FGF10: variants seen among roughly 807,000 people sequenced by gnomAD.
The protein encoded by FGF10 is FGF-10.
Under a neutral mutation model 19.8 loss-of-function variants are expected in FGF10, and 2 were observed. The observed-to-expected ratio is 0.10, with a 90% confidence interval of 0.04 to 0.32. The LOEUF (loss-of-function observed/expected upper bound fraction) is 0.32. FGF10 is among the 10% of genes least tolerant of loss of function. The probability of loss-of-function intolerance (pLI) is 1.00; values close to 1 mark genes in which losing one functional copy is unlikely to be tolerated. For synonymous variants in FGF10, 112 were observed against 94.0 expected, an observed-to-expected ratio of 1.19 and a Z score of -1.10; for missense variants, 191 against 246.3, an observed-to-expected ratio of 0.78 and a Z score of 1.50.
At chr5:44,381,179 G>C (rs1034608832) in intron 1 of FGF10, among the ~76,000 whole-genome samples, 3 of 152,164 alleles carry the variant, frequency 2.0e-5, no homozygotes, top group Admixed American at 2.0e-4. Context: ...TCAGTGGTTT[G>C]TCCACTTCAC....
At chr5:44,371,320 C>T (rs1029695120) in intron 1 of FGF10, among the ~76,000 whole-genome samples, 2 of 152,050 alleles carry the variant, frequency 1.3e-5, no homozygotes, top group Admixed American at 1.3e-4. Context: ...TCAACAGATG[C>T]GGCTCCATGA....
chr5:44,325,532 A>G (rs1740595364), intron 1 of FGF10, among the ~76,000 whole-genome samples: 1 of 152,210 alleles, frequency 6.6e-6, no homozygotes. Context: ...TGGCACATAT[A>G]CACCATGGAA....
At chr5:44,324,074 T>C (rs964278456) in intron 1 of FGF10, among the ~76,000 whole-genome samples, 3 of 152,120 alleles carry the variant, frequency 2.0e-5, no homozygotes, top group African/African-American at 7.2e-5. Context: ...TAAATGATTC[T>C]AAATGGAATA....
Position 44,388,709 on chromosome 5 carries a change from T to G in FGF10, c.-27A>C. Reference sequence around the variant, plus strand: ...GTACTGAAACTCTCGGCACTGGAAATTGTCTCATCAGAAGGAACATACTGG... The same window carrying G: ...GTACTGAAACTCTCGGCACTGGAAAGTGTCTCATCAGAAGGAACATACTGG... On this transcript the variant is annotated 5_prime_UTR_variant, in exon 1 of 3. Transcript: ENST00000264664. 6.2e-7 allele frequency: 1 copy of G among 1,612,014 alleles called. No homozygotes were observed. Among genetic ancestry groups the G allele is most frequent in the South Asian group, 1.1e-5 (1 of 90,960 alleles).
intron 1 of FGF10, 151 bp downstream of exon 1, chr5:44,388,207 G>A (rs1388741811): frequency 3.7e-5 from 29 of 779,786 alleles, no homozygotes; most frequent in Non-Finnish European, 3.3e-5. Flanking sequence ...GGGGGTTGGG[G>A]GGTGAATTAG....
chr5:44,383,577 C>G (rs950177575), intron 1 of FGF10, among the ~76,000 whole-genome samples: 1 of 152,094 alleles, frequency 6.6e-6, no homozygotes, highest in African/African-American at 2.4e-5. Flanking sequence ...GGTTTCTCCT[C>G]GTAGGAGGTT....
At chr5:44,374,180 A>T (rs71633126) in intron 1 of FGF10, among the ~76,000 whole-genome samples, 2 of 152,088 alleles carry the variant, frequency 1.3e-5, no homozygotes, top group South Asian at 2.1e-4. Flanking sequence ...AGACAACAAC[A>T]TTGTATCTTT....
chr5:44,322,754 G>C (rs1326744148), intron 1 of FGF10, among the ~76,000 whole-genome samples: 1 of 151,688 alleles, frequency 6.6e-6, no homozygotes, highest in Non-Finnish European at 1.5e-5. Context: ...ACCAAAATGA[G>C]ATTATGGAGT....
At chr5:44,370,220 T>C (rs1741713292) in intron 1 of FGF10, among the ~76,000 whole-genome samples, 1 of 152,138 alleles carries the variant, frequency 6.6e-6, no homozygotes, top group Admixed American at 6.6e-5. Context: ...AAATGCTCAT[T>C]AGAAAGAATC....
At chr5:44,336,101 TA>T (rs769529967) in intron 1 of FGF10, among the ~76,000 whole-genome samples, 117 of 152,172 alleles carry the variant, frequency 7.7e-4, no homozygotes, top group Admixed American at 8.5e-4. Flanking sequence ...TTTTTCATCA[TA>T]TTTTAAAACC....
chr5:44,388,301 C>T, intron 1 of FGF10, 57 bp downstream of exon 1: 1 of 1,529,948 alleles, frequency 6.5e-7, no homozygotes, highest in Non-Finnish European at 9.0e-7. Context: ...ATTTTTCCCC[C>T]CCGTGTGGGC....
intron 1 of FGF10, among the ~76,000 whole-genome samples, chr5:44,370,407 T>C (rs936380416): frequency 1.3e-5 from 2 of 152,012 alleles, no homozygotes; most frequent in African/African-American, 4.8e-5. Flanking sequence ...GGCACTGGGG[T>C]TGGTAGAATT....
In FGF10 at chr5:44,389,064, A is replaced by G. The variant is rs1742179438; in HGVS notation, c.-382T>C. 3 of 340,374 alleles carry G rather than the reference A, an allele frequency of 8.8e-6. No homozygotes were observed. The highest frequency in any genetic ancestry group is 1.7e-5 in the Non-Finnish European group (3 of 174,628). 21.1% of individuals were successfully genotyped at this position (340,374 alleles called of 1,614,324 possible). ...GTTAGATGCCAAAAAGGTCTGAAAAACAGATGACAGCACGGTGAACAAAAC... is the reference window on the plus strand; with the variant it reads ...GTTAGATGCCAAAAAGGTCTGAAAAGCAGATGACAGCACGGTGAACAAAAC... On this transcript the variant is annotated 5_prime_UTR_variant, in exon 1 of 3. Coordinates refer to ENST00000264664, the MANE Select transcript of FGF10 (RefSeq NM_004465.2).
chr5:44,328,429 A>C (rs1307952183), intron 1 of FGF10, among the ~76,000 whole-genome samples: 2 of 152,238 alleles, frequency 1.3e-5, no homozygotes, highest in East Asian at 3.9e-4. Flanking sequence ...CTTAACCCAT[A>C]CTGACAATCT....
intron 1 of FGF10, among the ~76,000 whole-genome samples, chr5:44,342,858 G>A (rs141885595): frequency 6.6e-6 from 1 of 152,068 alleles, no homozygotes; most frequent in African/African-American, 2.4e-5. Flanking sequence ...AGTAAAGTGA[G>A]TCTCTAGATT....
rs184971603 is a variant in FGF10, at chr5:44,355,520, A to G, written c.325+32838T>C. Among the ~76,000 whole-genome samples, 276 of 151,254 alleles carry G rather than the reference A, an allele frequency of 1.8e-3. 1 individual carries two copies. Among genetic ancestry groups the G allele is most frequent in the African/African-American group, 5.7e-3 (238 of 41,408 alleles). ...AATATCTATGCAATATATATTTACA[A>G]TCTATTTTAAATGGTACCATTTACT... On this transcript the variant is annotated intron_variant, in intron 1 of 2. Transcript: ENST00000264664.
At position 44,303,325 on chromosome 5, in the gene FGF10, C is replaced by G. The variant is rs181503772; in HGVS notation, c.*1670G>C. On this transcript the variant is annotated 3_prime_UTR_variant, in exon 3 of 3. Transcript: ENST00000264664. Reference sequence around the variant, plus strand: ...ATAAGTTTGTTGGAGAATCACAGAACGCCAGCATTTCCAAAGGTTAAACTT... The same window carrying G: ...ATAAGTTTGTTGGAGAATCACAGAAGGCCAGCATTTCCAAAGGTTAAACTT... Among the ~76,000 whole-genome samples the G allele has an allele frequency of 1.3e-5, 2 of 152,036 alleles. No individual in the cohort carries two copies. The highest frequency in any genetic ancestry group is 2.4e-5 in the African/African-American group (1 of 41,414).
At chr5:44,317,480 C>T (rs1740376853) in intron 1 of FGF10, among the ~76,000 whole-genome samples, 1 of 152,142 alleles carries the variant, frequency 6.6e-6, no homozygotes, top group South Asian at 2.1e-4. Flanking sequence ...GTCATTCAGC[C>T]ATTGTCATTG....
At chr5:44,376,503 A>AAC in intron 1 of FGF10, among the ~76,000 whole-genome samples, 1 of 132,134 alleles carries the variant, frequency 7.6e-6, no homozygotes, top group African/African-American at 3.2e-5. Flanking sequence ...AAAAAAAAAA[A>AAC]AAAAAAAAAA....
Sources: allele counts gnomAD v4.1 joint callset (sites outside exome capture counted in the v4.1 genomes callset), GRCh38; gene constraint gnomAD v4.1.1; transcripts MANE v1.5; gene names NCBI Gene and HGNC (gene_info 2026-07-23, HGNC 2026-07-21).